Variants in SLC7A2 observed in about 807,000 individuals in gnomAD.
The protein encoded by SLC7A2 is solute carrier family 7 member 2.
A neutral mutation model predicts 58.9 loss-of-function variants in SLC7A2; 48 were observed. The ratio of observed to expected loss-of-function variants is 0.82; its 90% CI spans 0.65 to 1.04. The LOEUF (loss-of-function observed/expected upper bound fraction) is 1.04, where lower values mean the gene tolerates loss of function less well. SLC7A2 is among the 50% of genes least tolerant of loss of function. The probability of loss-of-function intolerance (pLI) is 0.00; values close to 1 mark genes in which losing one functional copy is unlikely to be tolerated. For missense variants in SLC7A2, 1,029 were observed against 818.8 expected, an observed-to-expected ratio of 1.26 and a Z score of -3.13; for synonymous variants, 363 against 314.5, an observed-to-expected ratio of 1.15 and a Z score of -1.63.
At chr8:17,549,255 C>T (rs926459074) in intron 5 of SLC7A2, among the ~76,000 whole-genome samples, 4 of 152,234 alleles carry the variant, frequency 2.6e-5, no homozygotes, top group Admixed American at 6.5e-5. Flanking sequence ...ACAGCCAAAC[C>T]ATACCAGAAG....
At chr8:17,537,233 T>G (rs10087373) in intron 2 of SLC7A2, among the ~76,000 whole-genome samples, 8,363 of 152,070 alleles carry the variant, frequency 0.055, 462 homozygotes, top group African/African-American at 0.14. Context: ...ATTTTTGTAT[T>G]TTTAGTAGAG....
intron 10 of SLC7A2, 93 bp downstream of exon 10, chr8:17,560,626 T>G (rs1295363037): frequency 1.9e-6 from 2 of 1,066,982 alleles, no homozygotes; most frequent in South Asian, 1.3e-5. Flanking sequence ...GGCCTAACAT[T>G]GCCCTAGAAT....
chr8:17,519,008 C>G (rs1022030808), intron 2 of SLC7A2, among the ~76,000 whole-genome samples: 1 of 152,116 alleles, frequency 6.6e-6, no homozygotes, highest in African/African-American at 2.4e-5. Context: ...TATAAGGACA[C>G]TAATTCCATC....
chr8:17,528,263 A>T (rs549875794), intron 2 of SLC7A2, among the ~76,000 whole-genome samples: 1 of 152,298 alleles, frequency 6.6e-6, no homozygotes, highest in African/African-American at 2.4e-5. Context: ...GACAAAATGG[A>T]GGACTATTAT....
chr8:17,538,075 C>A (rs936930270), intron 2 of SLC7A2, among the ~76,000 whole-genome samples: 1 of 152,066 alleles, frequency 6.6e-6, no homozygotes. Context: ...TCTCTATCAG[C>A]CCTTTATTTG....
intron 2 of SLC7A2, chr8:17,520,642 A>T (rs1013328861): frequency 0.16 from 2,297 of 14,500 alleles, 9 homozygotes; most frequent in Middle Eastern, 0.24. Context: ...CTCTGTCTTT[A>T]AAAAAAAAAA....
Position 17,567,806 on chromosome 8 carries a change from A to C in SLC7A2, c.*2660A>C, listed in dbSNP as rs1416908289. On this transcript the variant is annotated 3_prime_UTR_variant, in exon 13 of 13. Coordinates refer to ENST00000494857, the MANE Select transcript of SLC7A2 (RefSeq NM_001370338.1). ...TTAAGACGTATTTATAATGTTTCTA[A>C]TATGAAATCACTAAACTCTAGTACA... is the stretch of plus-strand genomic sequence containing the variant. 2 of 152,204 alleles carry C rather than the reference A, an allele frequency of 1.3e-5. No individual in the cohort carries two copies. Among genetic ancestry groups the C allele is most frequent in the African/African-American group, 4.8e-5 (2 of 41,450 alleles). The allele number at this position is 152,204 out of a possible 1,614,324, so 9.4% of individuals were successfully genotyped here.
At chr8:17,507,177 C>T (rs1800402899) in intron 2 of SLC7A2, among the ~76,000 whole-genome samples, 1 of 152,042 alleles carries the variant, frequency 6.6e-6, no homozygotes, top group African/African-American at 2.4e-5. Flanking sequence ...GATCTGCTGA[C>T]CTTGTGATCC....
intron 2 of SLC7A2, among the ~76,000 whole-genome samples, chr8:17,525,942 T>A (rs183823518): frequency 6.6e-6 from 1 of 152,294 alleles, no homozygotes; most frequent in African/African-American, 2.4e-5. Context: ...GTTTGTCTTT[T>A]TTCATGATGG....
rs1048998547 is a variant in SLC7A2, at chr8:17,502,308, T to C, written c.-23+6T>C. On this transcript the variant is annotated splice_donor_region_variant and intron_variant, in intron 2 of 12. Transcript: ENST00000494857. Reference sequence around the variant, plus strand: ...AAAGCAGTGAGCCCTTACAGGTTAGTGCTGATTTCAATCTTGGCTTGCACG... The same window carrying C: ...AAAGCAGTGAGCCCTTACAGGTTAGCGCTGATTTCAATCTTGGCTTGCACG... The C allele has an allele frequency of 1.3e-5, 2 of 151,990 alleles. No individual in the cohort carries two copies. The highest frequency in any genetic ancestry group is 4.2e-4 in the South Asian group (2 of 4,816). 9.4% of individuals were successfully genotyped at this position (151,990 alleles called of 1,614,324 possible).
intron 2 of SLC7A2, among the ~76,000 whole-genome samples, chr8:17,526,560 A>ATG (rs1205930794): frequency 1.3e-5 from 2 of 152,038 alleles, no homozygotes; most frequent in East Asian, 1.9e-4. Context: ...GAATTTTTAG[A>ATG]TGTGTGTGTG....
chr8:17,516,415 G>C (rs1030584645), intron 2 of SLC7A2, among the ~76,000 whole-genome samples: 4 of 152,118 alleles, frequency 2.6e-5, no homozygotes, highest in African/African-American at 7.2e-5. Flanking sequence ...GCAGAGACAG[G>C]GTTTTGCCAT....
chr8:17,531,305 T>C (rs984186339), intron 2 of SLC7A2, among the ~76,000 whole-genome samples: 1 of 152,132 alleles, frequency 6.6e-6, no homozygotes, highest in East Asian at 1.9e-4. Flanking sequence ...TTGTATGTAA[T>C]ACAAGGCCAC....
intron 4 of SLC7A2, among the ~76,000 whole-genome samples, chr8:17,545,699 C>G (rs117447675): frequency 6.6e-6 from 1 of 151,906 alleles, no homozygotes; most frequent in African/African-American, 2.4e-5. Flanking sequence ...TGCCTGGCCA[C>G]GTTTTCTCTT....
chr8:17,557,076 C>G (rs1450124001), intron 8 of SLC7A2, among the ~76,000 whole-genome samples: 1 of 152,196 alleles, frequency 6.6e-6, no homozygotes, highest in Non-Finnish European at 1.5e-5. Flanking sequence ...AAACCACTCA[C>G]AATTGCTGAG....
chr8:17,520,831 T>C (rs977673918), intron 2 of SLC7A2: 1 of 386,130 alleles, frequency 2.6e-6, no homozygotes, highest in Non-Finnish European at 3.5e-6. Context: ...TATTTTGTAC[T>C]CCAGTATTGA....
At chr8:17,537,845 G>C (rs1280420999) in intron 2 of SLC7A2, among the ~76,000 whole-genome samples, 1 of 152,162 alleles carries the variant, frequency 6.6e-6, no homozygotes, top group Non-Finnish European at 1.5e-5. Context: ...AGGGACTCCG[G>C]TTACCAAGGT....
intron 2 of SLC7A2, among the ~76,000 whole-genome samples, chr8:17,535,678 G>A (rs534449931): frequency 2.6e-5 from 4 of 152,236 alleles, no homozygotes; most frequent in African/African-American, 9.6e-5. Context: ...CAAGACAGGC[G>A]GATCACTTGA....
chr8:17,500,168 C>T (rs191583668), intron 1 of SLC7A2: 16 of 152,274 alleles, frequency 1.1e-4, no homozygotes, highest in Admixed American at 5.2e-4. Flanking sequence ...TTGCTGTACT[C>T]TATTAAAAAA....
Sources: allele counts gnomAD v4.1 joint callset (sites outside exome capture counted in the v4.1 genomes callset), GRCh38; gene constraint gnomAD v4.1.1; transcripts MANE v1.5; gene names NCBI Gene and HGNC (gene_info 2026-07-23, HGNC 2026-07-21).